Variants in GPRC6A observed in about 807,000 individuals in gnomAD.
GPRC6A encodes the protein G protein-coupled receptor family C group 6 member A.
Under a neutral mutation model 47.0 loss-of-function variants are expected in GPRC6A, and 54 were observed. That is an observed-to-expected ratio of 1.15 (90% CI 0.92 to 1.44). The LOEUF (loss-of-function observed/expected upper bound fraction) is 1.44. Ranked by LOEUF, GPRC6A falls within the 40% of genes most tolerant of loss-of-function variation. The probability of loss-of-function intolerance (pLI) is 0.00; values close to 1 mark genes in which losing one functional copy is unlikely to be tolerated. For synonymous variants in GPRC6A, 347 were observed against 377.1 expected (o/e 0.92, Z 0.93); for missense variants, 1,112 against 1,105.5 (o/e 1.01, Z -0.08).
intron 1 of GPRC6A, among the ~76,000 whole-genome samples, chr6:116,818,911 G>C (rs947958250): frequency 1.3e-5 from 2 of 152,058 alleles, no homozygotes; most frequent in African/African-American, 4.8e-5. Flanking sequence ...ACACAGACTG[G>C]CAGATTGGAT....
intron 3 of GPRC6A, among the ~76,000 whole-genome samples, chr6:116,805,204 T>C (rs572644026): frequency 6.6e-6 from 1 of 152,108 alleles, no homozygotes; most frequent in East Asian, 1.9e-4. Context: ...TCCTAATCTC[T>C]AGTTTTACCT....
chr6:116,810,805 G>C (rs1772999085), intron 1 of GPRC6A, among the ~76,000 whole-genome samples: 1 of 151,616 alleles, frequency 6.6e-6, no homozygotes, highest in Admixed American at 6.6e-5. Context: ...TTAAAAAAGA[G>C]AAGTAAGCCC....
chr6:116,806,343 G>A (rs1772834673), intron 3 of GPRC6A, 27 bp downstream of exon 3: 1 of 1,434,034 alleles, frequency 7.0e-7, no homozygotes, highest in Non-Finnish European at 9.6e-7. Context: ...TGGTAGAAGA[G>A]TTTTTCTTGG....
At chr6:116,804,787 G>C (rs1275356525) in intron 3 of GPRC6A, among the ~76,000 whole-genome samples, 1 of 151,838 alleles carries the variant, frequency 6.6e-6, no homozygotes, top group South Asian at 2.1e-4. Context: ...AGATCTTCAG[G>C]GGGTGAATAA....
intron 4 of GPRC6A, 146 bp from the exon 5 acceptor site, chr6:116,795,981 T>C (rs1394757039): frequency 1.8e-5 from 10 of 545,006 alleles, no homozygotes; most frequent in Non-Finnish European, 2.8e-5. Context: ...TTTGCCATCG[T>C]GGGAAATGTA....
intron 1 of GPRC6A, among the ~76,000 whole-genome samples, chr6:116,813,289 C>G (rs1285268587): frequency 6.6e-6 from 1 of 152,088 alleles, no homozygotes; most frequent in Non-Finnish European, 1.5e-5. Flanking sequence ...AAAAAGAGCC[C>G]ACATTGCCAA....
At chr6:116,798,839 C>T (rs552483807) in intron 4 of GPRC6A, among the ~76,000 whole-genome samples, 119 of 149,714 alleles carry the variant, frequency 7.9e-4, no homozygotes, top group African/African-American at 2.8e-3. Context: ...GCCGAGATCA[C>T]GCCACTGCAT....
At chr6:116,808,469 G>T (rs1186938097) in intron 2 of GPRC6A, among the ~76,000 whole-genome samples, 1 of 151,910 alleles carries the variant, frequency 6.6e-6, no homozygotes, top group African/African-American at 2.4e-5. Context: ...TTGTTTAATC[G>T]TTTTGGATTA....
chr6:116,818,437 G>T (rs1187129251), intron 1 of GPRC6A, among the ~76,000 whole-genome samples: 1 of 140,372 alleles, frequency 7.1e-6, no homozygotes, highest in African/African-American at 2.6e-5. Context: ...GGGAGGCTGA[G>T]GCAGGAGAAT....
At chr6:116,825,332 A>C (rs969495002) in intron 1 of GPRC6A, among the ~76,000 whole-genome samples, 1 of 152,080 alleles carries the variant, frequency 6.6e-6, no homozygotes, top group Non-Finnish European at 1.5e-5. Flanking sequence ...TATATTTAGA[A>C]ATACCAAAAG....
rs1362947110 is a variant in GPRC6A, at chr6:116,800,776, AT to A, written c.1355del (p.Asn452MetfsTer2). ...QPWELLGVLK[N>X]VTFTDGWNSF... ...AATTCCATCCATCAGTGAATGTCAC[AT>A]TTTTTAGCACACCAAGTAACTATAA... On this transcript the variant is annotated frameshift_variant, in exon 4 of 6. Transcript: ENST00000310357. LOFTEE classifies it high-confidence loss of function. 1 of 1,606,754 alleles carries A rather than the reference AT, an allele frequency of 6.2e-7. No individual in the cohort carries two copies.
chr6:116,794,866 C>T (rs976689855), intron 5 of GPRC6A, among the ~76,000 whole-genome samples: 2 of 152,072 alleles, frequency 1.3e-5, no homozygotes, highest in Non-Finnish European at 2.9e-5. Context: ...TTTTGTGTGA[C>T]ACATAACAGA....
At chr6:116,819,979 A>C (rs1773399297) in intron 1 of GPRC6A, among the ~76,000 whole-genome samples, 1 of 150,514 alleles carries the variant, frequency 6.6e-6, no homozygotes, top group South Asian at 2.1e-4. Context: ...AATAAAGAAA[A>C]AAAGAGAGAA....
Position 116,792,435 on chromosome 6 carries a change from A to G in GPRC6A, c.2488T>C (p.Phe830Leu). 2 of 1,614,058 alleles carry G rather than the reference A, an allele frequency of 1.2e-6. No individual in the cohort carries two copies. The highest frequency in any genetic ancestry group is 1.7e-6 in the Non-Finnish European group (2 of 1,179,924). Reference protein sequence around the residue: ...ISNYGILYCTFIPKCYVIICK... With the variant: ...ISNYGILYCTLIPKCYVIICK... ...ATAATAACATAGCATTTGGGGATGA[A>G]TGTGCAATACAGGATTCCATAGTTA... Residue 830 changes from phenylalanine (F) to leucine (L), a missense_variant, in exon 6 of 6, where the codon TTC (phenylalanine) becomes CTC (leucine). Coordinates refer to ENST00000310357, the MANE Select transcript of GPRC6A (RefSeq NM_148963.4).
In GPRC6A at chr6:116,806,490, G is replaced by A; in HGVS notation, c.1215C>T (p.Asp405=). 6.2e-7 allele frequency: 1 copy of A among 1,613,526 alleles called. No homozygotes were observed. The highest frequency in any genetic ancestry group is 8.5e-7 in the Non-Finnish European group (1 of 1,179,666). Residue 405 remains aspartate, a synonymous_variant, in exon 3 of 6, where the codon GAC becomes GAT. Coordinates refer to ENST00000310357, the MANE Select transcript of GPRC6A (RefSeq NM_148963.4). ...NFVMRNDFLW[D]YAEPGLIHSI... is the part of the protein sequence containing the mutation. The stretch of plus-strand genomic sequence containing the variant: ...TATGAATGAGTCCTGGCTCAGCATA[G>A]TCCCAGAGGAAGTCATTTCTCATGA...
At chr6:116,819,583 C>A (rs1773380372) in intron 1 of GPRC6A, among the ~76,000 whole-genome samples, 1 of 152,104 alleles carries the variant, frequency 6.6e-6, no homozygotes, top group Non-Finnish European at 1.5e-5. Flanking sequence ...TACATGGAAA[C>A]TGAACAACCT....
chr6:116,823,589 G>T (rs1356313186), intron 1 of GPRC6A, among the ~76,000 whole-genome samples: 1 of 152,070 alleles, frequency 6.6e-6, no homozygotes, highest in Non-Finnish European at 1.5e-5. Flanking sequence ...CAGTTCCAGA[G>T]CTGCTTCCAC....
intron 3 of GPRC6A, 116 bp downstream of exon 3, chr6:116,806,254 A>C (rs1374873967): frequency 5.9e-6 from 4 of 681,204 alleles, no homozygotes; most frequent in Non-Finnish European, 2.6e-6. Flanking sequence ...GAAAGTGTCT[A>C]TTTATAAAAG....
In GPRC6A at chr6:116,819,444, C is replaced by T. The variant is rs1278867147; in HGVS notation, c.194+9376G>A. 3.3e-5 allele frequency among the ~76,000 whole-genome samples: 5 copies of T among 151,868 alleles called. No individual in the cohort carries two copies. The South Asian group carries it at 8.4e-4, about 25-fold the overall frequency. On this transcript the variant is annotated intron_variant, in intron 1 of 5. Transcript: ENST00000310357. ...CACACCACACCTATTCCAAAATTGA[C>T]CACATACTTGGAAGTAAAGCTCTCC...
Sources: allele counts gnomAD v4.1 joint callset (sites outside exome capture counted in the v4.1 genomes callset), GRCh38; gene constraint gnomAD v4.1.1; transcripts MANE v1.5; gene names NCBI Gene and HGNC (gene_info 2026-07-23, HGNC 2026-07-21).